The following ABHD12 variants were observed in gnomAD, a reference collection of about 807,000 sequenced individuals.
ABHD12 encodes the protein abhydrolase domain containing 12, lysophospholipase.
A neutral mutation model predicts 58.3 loss-of-function variants in ABHD12; 43 were observed. The observed-to-expected ratio is 0.74, with a 90% CI of 0.58 to 0.95. The LOEUF (loss-of-function observed/expected upper bound fraction) is 0.95, where lower values mean the gene tolerates loss of function less well. Among genes scored for constraint, ABHD12 ranks in the 40% least tolerant of loss-of-function variants. The pLI is 0.00. For missense variants in ABHD12, 539 were observed against 537.2 expected (o/e 1.00, Z -0.03); for synonymous variants, 219 against 211.2 (o/e 1.04, Z -0.32).
Position 25,369,826 on chromosome 20 carries a change from T to G in ABHD12, c.191+20687A>C, listed in dbSNP as rs190726275. On this transcript the variant is annotated intron_variant, in intron 1 of 12. Transcript: ENST00000339157. ...CTGTAATGCCAGCACTCTGCTGTAA[T>G]GCAGCACTCTGTGGGGGCTGAGGCG... 6.6e-5 allele frequency among the ~76,000 whole-genome samples: 10 copies of G among 150,402 alleles called. No individual in the cohort carries two copies. In the East Asian group the frequency reaches 1.6e-3, roughly 24 times the overall value.
chr20:25,309,310 G>T, intron 7 of ABHD12, 136 bp downstream of exon 7: 1 of 1,296,824 alleles, frequency 7.7e-7, no homozygotes. Flanking sequence ...CCTCTGCCAT[G>T]GGGATGGGAG....
chr20:25,376,000 G>A (rs1568772312), intron 1 of ABHD12, among the ~76,000 whole-genome samples: 1 of 152,054 alleles, frequency 6.6e-6, no homozygotes, highest in Non-Finnish European at 1.5e-5. Flanking sequence ...GTGGGCGCCT[G>A]TAGTCCCAGC....
At chr20:25,307,065 C>CA (rs1568713833) in intron 9 of ABHD12, 150 bp from the exon 10 acceptor site, 2 of 680,660 alleles carry the variant, frequency 2.9e-6, no homozygotes, top group Middle Eastern at 2.4e-4. Context: ...GCCAAGGGGC[C>CA]ACCAGAGCTG....
intron 6 of ABHD12, among the ~76,000 whole-genome samples, chr20:25,312,933 C>T (rs1470589946): frequency 1.3e-5 from 2 of 151,488 alleles, no homozygotes; most frequent in African/African-American, 2.4e-5. Flanking sequence ...AAGTGAGGAG[C>T]GTCTCCACCC....
chr20:25,377,440 G>T (rs942918787), intron 1 of ABHD12, among the ~76,000 whole-genome samples: 1 of 152,158 alleles, frequency 6.6e-6, no homozygotes, highest in Non-Finnish European at 1.5e-5. Context: ...CTGGAGGCTG[G>T]GAAGTCCAAG....
rs780031801 is a variant in ABHD12 at position 25,388,787 on chromosome 20, CT to C, written c.191+1725del. Among the ~76,000 whole-genome samples the C allele has an allele frequency of 1.9e-3, 230 of 122,068 alleles. 2 individuals are homozygous for C. Among genetic ancestry groups the C allele is most frequent in the East Asian group, 0.018 (84 of 4,578 alleles). The allele number at this position is 122,068 out of a possible 152,430, so 80.1% of individuals were successfully genotyped here. ...GTTGTGTAAAACAATTTGATTTTTT[CT>C]TTTTTTTTTTTTTTTTTGAGACGGA... is the stretch of plus-strand genomic sequence containing the variant. On this transcript the variant is annotated intron_variant, in intron 1 of 12. Coordinates refer to ENST00000339157, the MANE Select transcript of ABHD12 (RefSeq NM_001042472.3).
intron 1 of ABHD12, among the ~76,000 whole-genome samples, chr20:25,347,205 G>A (rs530589305): frequency 1.3e-5 from 2 of 152,110 alleles, no homozygotes; most frequent in Non-Finnish European, 2.9e-5. Flanking sequence ...ATTTTTACCA[G>A]ACAGACATAT....
At chr20:25,346,369 T>C (rs946838339) in intron 1 of ABHD12, among the ~76,000 whole-genome samples, 1 of 152,186 alleles carries the variant, frequency 6.6e-6, no homozygotes, top group Admixed American at 6.5e-5. Context: ...AGTGAAACTA[T>C]TGTGTATGAT....
At chr20:25,309,806 C>G (rs776902456) in intron 6 of ABHD12, among the ~76,000 whole-genome samples, 41 of 152,224 alleles carry the variant, frequency 2.7e-4, no homozygotes, top group Non-Finnish European at 2.5e-4. Flanking sequence ...AGCAGCAACC[C>G]TGCCCTGCCC....
intron 1 of ABHD12, among the ~76,000 whole-genome samples, chr20:25,373,920 T>C (rs2089929474): frequency 6.6e-6 from 1 of 152,086 alleles, no homozygotes; most frequent in African/African-American, 2.4e-5. Context: ...CATAGCATAG[T>C]GATGCATTTA....
intron 1 of ABHD12, among the ~76,000 whole-genome samples, chr20:25,349,038 C>T (rs190379774): frequency 0.011 from 1,678 of 149,644 alleles, 29 homozygotes; most frequent in African/African-American, 0.036. Context: ...GAGCCGAGAT[C>T]GCGCCACTGC....
chr20:25,340,718 T>G (rs767329309), intron 1 of ABHD12, among the ~76,000 whole-genome samples: 43 of 152,238 alleles, frequency 2.8e-4, no homozygotes, highest in Non-Finnish European at 4.7e-4. Flanking sequence ...TCAAAAGGAC[T>G]GTTATGTTAA....
At chr20:25,387,563 G>A (rs1473902452) in intron 1 of ABHD12, among the ~76,000 whole-genome samples, 2 of 136,838 alleles carry the variant, frequency 1.5e-5, no homozygotes, top group Admixed American at 7.8e-5. Context: ...CCAGCCTGGG[G>A]GCAACATAGT....
chr20:25,331,335 T>G (rs1019930386), intron 2 of ABHD12, among the ~76,000 whole-genome samples: 1 of 152,306 alleles, frequency 6.6e-6, no homozygotes, highest in East Asian at 1.9e-4. Context: ...CTGATTGGTG[T>G]ACCTGAAAGT....
chr20:25,343,982 T>C (rs983887550), intron 1 of ABHD12, among the ~76,000 whole-genome samples: 10 of 152,116 alleles, frequency 6.6e-5, no homozygotes, highest in African/African-American at 2.2e-4. Context: ...AATCAATTAA[T>C]GTAATACATC....
intron 1 of ABHD12, among the ~76,000 whole-genome samples, chr20:25,363,250 C>T (rs761340466): frequency 2.1e-5 from 3 of 143,804 alleles, no homozygotes; most frequent in Non-Finnish European, 4.5e-5. Context: ...GAGACAGTCT[C>T]GCTCTGTTGC....
At chr20:25,359,337 T>C (rs1292333478) in intron 1 of ABHD12, among the ~76,000 whole-genome samples, 1 of 138,322 alleles carries the variant, frequency 7.2e-6, no homozygotes, top group South Asian at 2.4e-4. Flanking sequence ...GGCAAGAGAA[T>C]GGCGTGAACC....
At chr20:25,320,451 G>C in intron 3 of ABHD12, 133 bp from the exon 4 acceptor site, 1 of 1,178,922 alleles carries the variant, frequency 8.5e-7, no homozygotes, top group Non-Finnish European at 1.2e-6. Context: ...AACTACAGGG[G>C]AACAGATGGG....
chr20:25,317,235 G>A (rs1041842925), intron 4 of ABHD12, among the ~76,000 whole-genome samples, 157 bp from the exon 5 acceptor site: 1 of 152,210 alleles, frequency 6.6e-6, no homozygotes, highest in Admixed American at 6.5e-5. Flanking sequence ...GCCTCTGGCA[G>A]TGCTGTGCCA....
Sources: allele counts gnomAD v4.1 joint callset (sites outside exome capture counted in the v4.1 genomes callset), GRCh38; gene constraint gnomAD v4.1.1; transcripts MANE v1.5; gene names NCBI Gene and HGNC (gene_info 2026-07-23, HGNC 2026-07-21).